Variants in GNA14 observed in about 807,000 individuals in gnomAD.
GNA14 encodes G protein subunit alpha 14.
In GNA14, 50 loss-of-function variants were observed where a neutral mutation model predicts 42.0. That is an observed-to-expected ratio of 1.19 (90% CI 0.95 to 1.51). The LOEUF (loss-of-function observed/expected upper bound fraction) is 1.51, where lower values mean the gene tolerates loss of function less well. Among genes scored for constraint, GNA14 ranks in the 40% most tolerant of loss-of-function variants. The pLI, the probability that GNA14 is intolerant of heterozygous loss-of-function variation, is 0.00. For synonymous variants in GNA14, 173 were observed against 163.1 expected (o/e 1.06, Z -0.46); for missense variants, 473 against 446.2 (o/e 1.06, Z -0.54).
At chr9:77,456,528 T>C (rs1836001977) in intron 2 of GNA14, 1 of 152,242 alleles carries the variant, frequency 6.6e-6, no homozygotes, top group African/African-American at 2.4e-5. Flanking sequence ...AACAAGTAAG[T>C]AAGCATTTTC....
intron 2 of GNA14, among the ~76,000 whole-genome samples, chr9:77,504,660 CT>C (rs34631344): frequency 0.04 from 3,052 of 76,204 alleles, 62 homozygotes; most frequent in African/African-American, 0.14. Flanking sequence ...GTCTGGCCGA[CT>C]TTTTTTTTTT....
At position 77,644,437 on chromosome 9, in the gene GNA14, C is replaced by CCAAAAAAAAAAAAAA. The variant is rs778013639; in HGVS notation, c.124+3232_124+3233insTTTTTTTTTTTTTTG. 5.7e-3 allele frequency among the ~76,000 whole-genome samples: 195 copies of CCAAAAAAAAAAAAAA among 34,018 alleles called. 2 individuals are homozygous for CCAAAAAAAAAAAAAA. The highest frequency in any genetic ancestry group is 7.3e-3 in the Non-Finnish European group (142 of 19,348). 22.3% of individuals were successfully genotyped at this position (34,018 alleles called of 152,430 possible). On this transcript the variant is annotated intron_variant, in intron 1 of 6. Transcript: ENST00000341700. Reference sequence around the variant, plus strand: ...TACTGAACTCCAACCTAAAGAGTGTCAAAAAAAAAAAAAAAAAAAAAAAAA... The same window carrying CCAAAAAAAAAAAAAA: ...TACTGAACTCCAACCTAAAGAGTGTCCAAAAAAAAAAAAAAAAAAAAAAAAAAAAAAAAAAAAAAA...
At chr9:77,519,363 AT>A (rs143445598) in intron 2 of GNA14, among the ~76,000 whole-genome samples, 1,831 of 152,156 alleles carry the variant, frequency 0.012, 35 homozygotes, top group African/African-American at 0.042. Flanking sequence ...GTGAGCCGAG[AT>A]TGCGCCACTA....
intron 2 of GNA14, among the ~76,000 whole-genome samples, chr9:77,504,913 G>A (rs1054076187): frequency 4.6e-5 from 7 of 152,026 alleles, no homozygotes; most frequent in Admixed American, 2.6e-4. Context: ...TGATCCACCC[G>A]CCTCGGCCTC....
chr9:77,555,908 C>A (rs1017760556), intron 1 of GNA14, among the ~76,000 whole-genome samples: 1 of 152,114 alleles, frequency 6.6e-6, no homozygotes, highest in African/African-American at 2.4e-5. Context: ...ATATAGGTTG[C>A]CTAATGAGTC....
chr9:77,528,961 C>A (rs1587818712), intron 2 of GNA14, 108 bp downstream of exon 2: 3 of 930,132 alleles, frequency 3.2e-6, no homozygotes, highest in Middle Eastern at 2.2e-4. Flanking sequence ...CCCCAGGGAA[C>A]AAGAGCTTCT....
At chr9:77,641,104 GGAAGGAAGGAAGGAAGGA>G (rs1824258136) in intron 1 of GNA14, among the ~76,000 whole-genome samples, 6 of 2,074 alleles carry the variant, frequency 2.9e-3, no homozygotes, top group Non-Finnish European at 6.3e-3. Context: ...GGGGGGGGAA[GGAAGGAAGGAAGGAAGGA>G]AGGAAGGAAG....
intron 1 of GNA14, among the ~76,000 whole-genome samples, chr9:77,629,190 C>G (rs969810444): frequency 6.6e-6 from 1 of 152,152 alleles, no homozygotes; most frequent in Non-Finnish European, 1.5e-5. Context: ...TACCCTCTCA[C>G]GCCAGTTAGA....
intron 2 of GNA14, among the ~76,000 whole-genome samples, chr9:77,484,958 T>TATAATCTG (rs57530215): frequency 6.6e-6 from 1 of 152,056 alleles, no homozygotes; most frequent in Non-Finnish European, 1.5e-5. Context: ...GTTATAATCT[T>TATAATCTG]TTTGCTCACA....
At chr9:77,529,295 C>T in intron 1 of GNA14, 42 bp from the exon 2 acceptor site, 1 of 1,459,366 alleles carries the variant, frequency 6.9e-7, no homozygotes. Context: ...AGCAGACTTC[C>T]AAAGGAACAC....
chr9:77,546,073 C>T (rs145278915), intron 1 of GNA14, among the ~76,000 whole-genome samples: 5 of 151,856 alleles, frequency 3.3e-5, no homozygotes, highest in African/African-American at 1.2e-4. Flanking sequence ...AAAAAATAGC[C>T]GGGCGTGGTG....
At chr9:77,463,863 G>T (rs1836162542) in intron 2 of GNA14, among the ~76,000 whole-genome samples, 1 of 152,108 alleles carries the variant, frequency 6.6e-6, no homozygotes, top group African/African-American at 2.4e-5. Context: ...GGCTTTATGT[G>T]GGTAAAAGTG....
In GNA14 at chr9:77,485,510, G is replaced by A. The variant is rs144488090; in HGVS notation, c.309+43559C>T. On this transcript the variant is annotated intron_variant, in intron 2 of 6. Transcript: ENST00000341700. ...TGACTTCCTCTCAGGAATTACAAATGTTCTTCATGGTATCTAGAATGGTGA... is the reference window on the plus strand; with the variant it reads ...TGACTTCCTCTCAGGAATTACAAATATTCTTCATGGTATCTAGAATGGTGA... 4.5e-3 allele frequency among the ~76,000 whole-genome samples: 683 copies of A among 152,170 alleles called. 4 individuals carry two copies. Among genetic ancestry groups the A allele is most frequent in the Middle Eastern group, 0.014 (4 of 294 alleles).
chr9:77,621,458 A>C (rs1823920061), intron 1 of GNA14, among the ~76,000 whole-genome samples: 1 of 152,236 alleles, frequency 6.6e-6, no homozygotes. Flanking sequence ...ATGCAAGTGC[A>C]CACACACAGA....
intron 1 of GNA14, among the ~76,000 whole-genome samples, chr9:77,591,382 AAAAG>A (rs1823389334): frequency 6.6e-6 from 1 of 152,324 alleles, no homozygotes; most frequent in South Asian, 2.1e-4. Flanking sequence ...GGATTTTTAA[AAAAG>A]AATAGATTTT....
At chr9:77,573,232 C>T (rs1419692617) in intron 1 of GNA14, among the ~76,000 whole-genome samples, 2 of 151,848 alleles carry the variant, frequency 1.3e-5, no homozygotes, top group Admixed American at 6.6e-5. Flanking sequence ...GTGGATCACC[C>T]GAGGTCAGGA....
intron 2 of GNA14, among the ~76,000 whole-genome samples, chr9:77,436,790 T>C (rs12379073): frequency 0.056 from 8,468 of 152,346 alleles, 316 homozygotes; most frequent in Non-Finnish European, 0.087. Flanking sequence ...CAGTGCCTTC[T>C]ATTGCAAATA....
intron 1 of GNA14, among the ~76,000 whole-genome samples, chr9:77,530,113 C>T (rs533723684): frequency 6.6e-6 from 1 of 152,290 alleles, no homozygotes; most frequent in South Asian, 2.1e-4. Flanking sequence ...ATTGCTGATA[C>T]AGGTCAGACC....
At chr9:77,600,690 G>A (rs1324054572) in intron 1 of GNA14, among the ~76,000 whole-genome samples, 5 of 152,216 alleles carry the variant, frequency 3.3e-5, no homozygotes, top group Admixed American at 6.5e-5. Flanking sequence ...GGCCGATGTG[G>A]TTGGATCATC....
Sources: allele counts gnomAD v4.1 joint callset (sites outside exome capture counted in the v4.1 genomes callset), GRCh38; gene constraint gnomAD v4.1.1; transcripts MANE v1.5; gene names NCBI Gene and HGNC (gene_info 2026-07-23, HGNC 2026-07-21).